SLC25A48: variants seen among roughly 807,000 people sequenced by gnomAD.
SLC25A48 encodes solute carrier family 25 member 48.
Under a neutral mutation model 32.2 loss-of-function variants are expected in SLC25A48, and 29 were observed. The observed-to-expected ratio is 0.90, with a 90% CI of 0.67 to 1.23. SLC25A48 has a LOEUF of 1.23. Among genes scored for constraint, SLC25A48 ranks in the 50% most tolerant of loss-of-function variants. The pLI, the probability that SLC25A48 is intolerant of heterozygous loss-of-function variation, is 0.00. For synonymous variants in SLC25A48, 164 were observed against 172.3 expected, an observed-to-expected ratio of 0.95 and a Z score of 0.38; for missense variants, 399 against 422.7, an observed-to-expected ratio of 0.94 and a Z score of 0.49.
At chr5:135,711,902 C>T (rs1165616199) in intron 3 of SLC25A48, among the ~76,000 whole-genome samples, 1 of 151,954 alleles carries the variant, frequency 6.6e-6, no homozygotes, top group Non-Finnish European at 1.5e-5. Context: ...ACTTCTGTAC[C>T]CACCCCTTCA....
chr5:135,655,962 A>G (rs1043864475), intron 3 of SLC25A48, among the ~76,000 whole-genome samples: 1 of 152,136 alleles, frequency 6.6e-6, no homozygotes, highest in African/African-American at 2.4e-5. Context: ...ACTGACATGC[A>G]TGATTGCCCT....
chr5:135,873,254 G>T (rs943063884), intron 5 of SLC25A48, among the ~76,000 whole-genome samples: 1 of 152,168 alleles, frequency 6.6e-6, no homozygotes, highest in Non-Finnish European at 1.5e-5. Context: ...ACAAAACCAT[G>T]CAAACCAGTT....
At chr5:135,693,255 A>C (rs1219103418) in intron 3 of SLC25A48, among the ~76,000 whole-genome samples, 1 of 152,228 alleles carries the variant, frequency 6.6e-6, no homozygotes, top group Non-Finnish European at 1.5e-5. Flanking sequence ...AAATGTTGAC[A>C]AGAAGACTCT....
At chr5:135,767,897 G>A (rs1417123124) in intron 3 of SLC25A48, among the ~76,000 whole-genome samples, 1 of 148,010 alleles carries the variant, frequency 6.8e-6, no homozygotes, top group Non-Finnish European at 1.5e-5. Context: ...GCAAAGAAGA[G>A]GATACTACTT....
At chr5:135,672,894 G>A (rs963102411) in intron 3 of SLC25A48, among the ~76,000 whole-genome samples, 4 of 151,964 alleles carry the variant, frequency 2.6e-5, no homozygotes, top group Non-Finnish European at 4.4e-5. Context: ...TTACCCTTAT[G>A]CTCCACCCCC....
In SLC25A48 at chr5:135,728,476, A is replaced by G. The variant is rs536479367; in HGVS notation, c.-520-84047A>G. On this transcript the variant is annotated intron_variant, in intron 3 of 10. Transcript: ENST00000646290. ...GATAGTTGTAATTTTAAATCATTTC[A>G]TACTATTCTCTTATGTGGATACAGC... is the stretch of plus-strand genomic sequence containing the variant. 9.9e-5 allele frequency among the ~76,000 whole-genome samples: 15 copies of G among 152,264 alleles called. No individual in the cohort carries two copies. In the Middle Eastern group the frequency reaches 0.01, roughly 104 times the overall value.
intron 3 of SLC25A48, among the ~76,000 whole-genome samples, chr5:135,795,596 G>T (rs75434345): frequency 0.023 from 3,464 of 151,864 alleles, 55 homozygotes; most frequent in Non-Finnish European, 0.031. Flanking sequence ...AACATCCAGG[G>T]GGAAAGAGAA....
intron 3 of SLC25A48, among the ~76,000 whole-genome samples, chr5:135,781,604 C>T (rs1756717657): frequency 8.6e-6 from 1 of 116,086 alleles, no homozygotes; most frequent in African/African-American, 2.6e-5. Context: ...ATATATTATT[C>T]CTAATATCCC....
intron 1 of SLC25A48, among the ~76,000 whole-genome samples, chr5:135,836,962 C>A (rs1346256475): frequency 1.0e-4 from 2 of 19,846 alleles, no homozygotes; most frequent in East Asian, 2.3e-3. Context: ...GATATTATCC[C>A]CCCCCCCACC....
At chr5:135,594,970 A>G (rs1421755964) in intron 1 of SLC25A48, among the ~76,000 whole-genome samples, 2 of 152,128 alleles carry the variant, frequency 1.3e-5, no homozygotes, top group South Asian at 4.1e-4. Flanking sequence ...GTTAAGATGG[A>G]ATCAGAACCT....
intron 3 of SLC25A48, among the ~76,000 whole-genome samples, chr5:135,651,878 G>A (rs1440000747): frequency 6.6e-6 from 1 of 152,200 alleles, no homozygotes; most frequent in African/African-American, 2.4e-5. Context: ...AGCAGGATTG[G>A]AAGATTAGTG....
At chr5:135,582,051 G>C (rs1751246413) in intron 1 of SLC25A48, among the ~76,000 whole-genome samples, 1 of 152,216 alleles carries the variant, frequency 6.6e-6, no homozygotes, top group Admixed American at 6.5e-5. Flanking sequence ...GCCTGTGTGT[G>C]TGTATGCATG....
chr5:135,634,731 C>T (rs1379658047), intron 2 of SLC25A48: 1 of 152,244 alleles, frequency 6.6e-6, no homozygotes, highest in Non-Finnish European at 1.5e-5. Flanking sequence ...AGTCCCAAGA[C>T]AGAGCTCCAA....
intron 3 of SLC25A48, among the ~76,000 whole-genome samples, chr5:135,770,731 C>G (rs955570665): frequency 7.3e-5 from 11 of 151,514 alleles, no homozygotes; most frequent in African/African-American, 2.2e-4. Context: ...GAGGTGTATA[C>G]CACCCCTGTG....
intron 7 of SLC25A48, among the ~76,000 whole-genome samples, chr5:135,886,609 ATATATATATATATATATATATATAT>A (rs764709869): frequency 0.21 from 14,549 of 70,000 alleles, 1,826 homozygotes; most frequent in South Asian, 0.29. Context: ...ATATATATAT[ATATATATATATATATATATATATAT>A]ATAAAATATA....
At chr5:135,829,113 AGAG>A (rs1758140001) in intron 4 of SLC25A48, among the ~76,000 whole-genome samples, 1 of 152,212 alleles carries the variant, frequency 6.6e-6, no homozygotes, top group African/African-American at 2.4e-5. Flanking sequence ...ACTGCATGAT[AGAG>A]GAGAATGCCA....
intron 3 of SLC25A48, among the ~76,000 whole-genome samples, chr5:135,851,443 C>T (rs1759856631): frequency 6.6e-6 from 1 of 152,200 alleles, no homozygotes; most frequent in Non-Finnish European, 1.5e-5. Context: ...AGTCTGTGTC[C>T]AAGCTCTGGG....
intron 3 of SLC25A48, chr5:135,649,545 GA>G (rs1234404295): frequency 6.6e-6 from 1 of 152,440 alleles, no homozygotes; most frequent in African/African-American, 2.4e-5. Context: ...CAGTGACTCA[GA>G]TGGGGTAGTC....
chr5:135,633,086 T>C (rs73791022), intron 2 of SLC25A48, among the ~76,000 whole-genome samples: 13,392 of 152,112 alleles, frequency 0.088, 737 homozygotes, highest in African/African-American at 0.16. Context: ...AGTTTAATAG[T>C]GATTTCAAGT....
Sources: allele counts gnomAD v4.1 joint callset (sites outside exome capture counted in the v4.1 genomes callset), GRCh38; gene constraint gnomAD v4.1.1; transcripts MANE v1.5; gene names NCBI Gene and HGNC (gene_info 2026-07-23, HGNC 2026-07-21).